LINGO2: variants seen among roughly 807,000 people sequenced by gnomAD.
LINGO2 encodes leucine-rich repeat and immunoglobulin-like domain-containing nogo receptor-interacting protein 2.
LINGO2 carries 14 observed loss-of-function variants against 30.6 expected under a neutral mutation model. That is an observed-to-expected ratio of 0.46 (90% CI 0.30 to 0.72). LINGO2 has a LOEUF of 0.72. LINGO2 is among the 30% of genes least tolerant of loss of function. The pLI, the probability that LINGO2 is intolerant of heterozygous loss-of-function variation, is 0.07. For missense variants in LINGO2, 729 were observed against 751.7 expected, an observed-to-expected ratio of 0.97 and a Z score of 0.35; for synonymous variants, 317 against 288.5, an observed-to-expected ratio of 1.10 and a Z score of -1.00.
the LINGO2 span, among the ~76,000 whole-genome samples, chr9:28,906,004 G>T: frequency 3.9e-4 from 59 of 152,142 alleles, no homozygotes; most frequent in Non-Finnish European, 7.2e-4. Flanking sequence ...CCCTTCACTT[G>T]CAACAGCACA....
chr9:28,348,898 T>A (rs557075729), intron 3 of LINGO2, among the ~76,000 whole-genome samples: 2 of 151,800 alleles, frequency 1.3e-5, no homozygotes, highest in African/African-American at 4.8e-5. Context: ...CACTGACACC[T>A]CACATGGCAG....
At chr9:28,440,859 A>G (rs1444026794) in intron 2 of LINGO2, among the ~76,000 whole-genome samples, 1 of 152,204 alleles carries the variant, frequency 6.6e-6, no homozygotes, top group Non-Finnish European at 1.5e-5. Flanking sequence ...CCCAGTTCAC[A>G]TACTTATTCA....
intron 4 of LINGO2, among the ~76,000 whole-genome samples, chr9:28,250,851 GC>G (rs1351502489): frequency 3.3e-5 from 5 of 152,246 alleles, no homozygotes; most frequent in African/African-American, 1.2e-4. Flanking sequence ...GACTTTCACA[GC>G]TACCCAGTGA....
the LINGO2 span, among the ~76,000 whole-genome samples, chr9:29,060,966 A>G: frequency 6.6e-6 from 1 of 152,030 alleles, no homozygotes; most frequent in Non-Finnish European, 1.5e-5. Context: ...AGAAAAAAAT[A>G]TTTGAAGAAA....
chr9:29,016,002 C>T, the LINGO2 span, among the ~76,000 whole-genome samples: 1 of 152,140 alleles, frequency 6.6e-6, no homozygotes, highest in Non-Finnish European at 1.5e-5. Context: ...GCTCTCTATT[C>T]TCTTTCTATG....
At chr9:28,289,436 G>T (rs544758425) in intron 4 of LINGO2, among the ~76,000 whole-genome samples, 1 of 152,266 alleles carries the variant, frequency 6.6e-6, no homozygotes, top group South Asian at 2.1e-4. Context: ...GTGAGGAGAA[G>T]TTTTGCGTTA....
chr9:28,149,881 C>A (rs1827943328), intron 4 of LINGO2, among the ~76,000 whole-genome samples: 1 of 151,354 alleles, frequency 6.6e-6, no homozygotes, highest in South Asian at 2.1e-4. Context: ...GCCGCCCTGT[C>A]TGGGAAGTAA....
chr9:29,173,388 G>C, the LINGO2 span, among the ~76,000 whole-genome samples: 1,611 of 152,084 alleles, frequency 0.011, 34 homozygotes, highest in African/African-American at 0.036. Flanking sequence ...TAGAAAACTA[G>C]AATTACTGTA....
chr9:28,637,506 T>C (rs565331990), intron 1 of LINGO2, among the ~76,000 whole-genome samples: 3 of 152,200 alleles, frequency 2.0e-5, no homozygotes, highest in Admixed American at 6.5e-5. Context: ...TTGAGCAGTG[T>C]TTTGTAATTC....
chr9:28,548,427 CG>C lies in LINGO2; in HGVS notation c.-364-72403del, dbSNP rs549720949. Among the ~76,000 whole-genome samples the C allele has an allele frequency of 1.1e-4, 17 of 152,008 alleles. No individual in the cohort carries two copies. In the East Asian group the frequency reaches 3.1e-3, roughly 28 times the overall value. On this transcript the variant is annotated intron_variant, in intron 1 of 5. Transcript: ENST00000379992. Reference sequence around the variant, plus strand: ...TTATCATTCAAGAATTATTTGGGGCCGGGTGTGGTGGCTCATGCCTGTAATC... The same window carrying C: ...TTATCATTCAAGAATTATTTGGGGCCGGTGTGGTGGCTCATGCCTGTAATC...
intron 1 of LINGO2, among the ~76,000 whole-genome samples, chr9:28,578,019 C>A (rs1355032047): frequency 6.6e-6 from 1 of 152,034 alleles, no homozygotes; most frequent in Non-Finnish European, 1.5e-5. Flanking sequence ...GAATTCCTGG[C>A]AGTAGAAATA....
intron 4 of LINGO2, among the ~76,000 whole-genome samples, chr9:28,189,897 C>G (rs951140632): frequency 5.3e-5 from 8 of 151,692 alleles, no homozygotes; most frequent in African/African-American, 1.9e-4. Context: ...GTGGTGGGTA[C>G]TGATGGAGAA....
chr9:29,089,572 C>T, the LINGO2 span, among the ~76,000 whole-genome samples: 366 of 152,160 alleles, frequency 2.4e-3, no homozygotes, highest in Admixed American at 6.0e-3. Context: ...TACTCTCATT[C>T]TCCCATCTGC....
At chr9:28,822,797 T>A in the LINGO2 span, among the ~76,000 whole-genome samples, 5 of 152,126 alleles carry the variant, frequency 3.3e-5, no homozygotes, top group East Asian at 7.7e-4. Context: ...CTCCCCTTTA[T>A]ATATTTATCT....
chr9:28,143,402 G>A (rs1244792541), intron 4 of LINGO2, among the ~76,000 whole-genome samples: 1 of 152,150 alleles, frequency 6.6e-6, no homozygotes, highest in African/African-American at 2.4e-5. Context: ...TTTTGGATTT[G>A]CACAGATAAT....
chr9:28,439,463 A>T (rs967527742), intron 2 of LINGO2, among the ~76,000 whole-genome samples: 3 of 152,052 alleles, frequency 2.0e-5, no homozygotes, highest in Non-Finnish European at 2.9e-5. Flanking sequence ...CCCCACCCAA[A>T]ATTCATGTCG....
At chr9:28,714,247 C>T in the LINGO2 span, among the ~76,000 whole-genome samples, 29,299 of 146,164 alleles carry the variant, frequency 0.2, 4,236 homozygotes, top group African/African-American at 0.4. Context: ...CTCTCCACTA[C>T]AGTCATTAAC....
chr9:29,042,742 T>A, the LINGO2 span, among the ~76,000 whole-genome samples: 1 of 151,966 alleles, frequency 6.6e-6, no homozygotes, highest in Non-Finnish European at 1.5e-5. Flanking sequence ...ATTAACATAT[T>A]TGTTGCCTCA....
intron 1 of LINGO2, among the ~76,000 whole-genome samples, chr9:28,642,558 C>T (rs1236573765): frequency 8.5e-5 from 13 of 152,074 alleles, no homozygotes; most frequent in Admixed American, 8.5e-4. Context: ...TGAATGTATG[C>T]TTACATTGTG....
Sources: allele counts gnomAD v4.1 joint callset (sites outside exome capture counted in the v4.1 genomes callset), GRCh38; gene constraint gnomAD v4.1.1; transcripts MANE v1.5; gene names NCBI Gene and HGNC (gene_info 2026-07-23, HGNC 2026-07-21).